Variants in NEK5 observed in about 807,000 individuals in gnomAD.
NEK5 encodes the protein NIMA related kinase 5, also known as serine/threonine-protein kinase Nek5.
In NEK5, 88 loss-of-function variants were observed where a neutral mutation model predicts 109.2. That is an observed-to-expected ratio of 0.81 (90% CI 0.68 to 0.96). The LOEUF is 0.96. Among genes scored for constraint, NEK5 ranks in the 40% least tolerant of loss-of-function variants. The pLI is 0.00. For missense variants in NEK5, 834 were observed against 920.7 expected, an observed-to-expected ratio of 0.91 and a Z score of 1.22; for synonymous variants, 283 against 299.9, an observed-to-expected ratio of 0.94 and a Z score of 0.58.
chr13:52,065,094 C>T lies in NEK5; in HGVS notation c.1975+390G>A, dbSNP rs185720150. ...TATGACCCTGCCAAATCCCCCTCTGCGAGAAACACCCAAGAATGATCAATA... is the reference window on the plus strand; with the variant it reads ...TATGACCCTGCCAAATCCCCCTCTGTGAGAAACACCCAAGAATGATCAATA... On this transcript the variant is annotated intron_variant, in intron 21 of 23. Coordinates refer to ENST00000684899, the MANE Select transcript of NEK5 (RefSeq NM_001365552.1). 1.4e-3 allele frequency: 342 copies of T among 244,324 alleles called. 2 individuals are homozygous for T. The highest frequency in any genetic ancestry group is 6.8e-3 in the African/African-American group (302 of 44,728). The allele number at this position is 244,324 out of a possible 1,614,324, so 15.1% of individuals were successfully genotyped here. A position where few individuals can be genotyped will look rare whatever the true frequency, so the allele number is the denominator to read the frequency against.
At chr13:52,050,720 CTT>C (rs772811272) in intron 22 of NEK5, among the ~76,000 whole-genome samples, 10 of 99,894 alleles carry the variant, frequency 1.0e-4, no homozygotes, top group Admixed American at 2.2e-4. Context: ...TTGTTTTTTT[CTT>C]TTTTTTTTTT....
intron 3 of NEK5, among the ~76,000 whole-genome samples, chr13:52,123,868 C>G (rs1956016578): frequency 6.8e-6 from 1 of 146,700 alleles, no homozygotes; most frequent in Non-Finnish European, 1.5e-5. Flanking sequence ...GCTGGGAGAT[C>G]AGCAGGCAAC....
intron 8 of NEK5, among the ~76,000 whole-genome samples, chr13:52,106,144 C>T (rs557898677): frequency 6.6e-6 from 1 of 151,596 alleles, no homozygotes; most frequent in African/African-American, 2.4e-5. Context: ...GCACAACTAA[C>T]TTGAGGCCAA....
chr13:52,102,096 G>C lies in NEK5; in HGVS notation c.806C>G (p.Pro269Arg), dbSNP rs1313392549. 1.2e-6 allele frequency: 2 copies of C among 1,613,538 alleles called. No homozygotes were observed. The highest frequency in any genetic ancestry group is 4.5e-5 in the East Asian group (2 of 44,852). Residue 269 changes from proline to arginine, a missense_variant, in exon 10 of 24, where the codon CCT becomes CGT. Pro to Arg is a moderately radical substitution (Grantham distance 103, BLOSUM62 -2). Coordinates refer to ENST00000684899, the MANE Select transcript of NEK5 (RefSeq NM_001365552.1). Reference protein sequence around the residue: ...LENLIPKYLTPEVIQEEFSHM... With the variant: ...LENLIPKYLTREVIQEEFSHM... Reference sequence around the variant, plus strand: ...AACAGTCACCTCAAAACTTACCTCAGGAGTCAAATATTTGGGAATAAGATT... The same window carrying C: ...AACAGTCACCTCAAAACTTACCTCACGAGTCAAATATTTGGGAATAAGATT...
At chr13:52,068,938 TC>T (rs5803592) in intron 20 of NEK5, among the ~76,000 whole-genome samples, 83,778 of 149,510 alleles carry the variant, frequency 0.56, 26,050 homozygotes, top group Non-Finnish European at 0.7. Flanking sequence ...GCCACTGCAC[TC>T]CAGCCTGGGC....
intron 12 of NEK5, among the ~76,000 whole-genome samples, chr13:52,098,969 C>T (rs1048806562): frequency 6.6e-5 from 10 of 151,968 alleles, no homozygotes; most frequent in African/African-American, 2.4e-4. Context: ...GTTAAAAAAA[C>T]AAAAGAATGA....
Position 52,099,756 on chromosome 13 carries a change from T to C in NEK5, c.1013A>G (p.Gln338Arg). Residue 338 changes from glutamine to arginine, a missense_variant, in exon 12 of 24, where the codon CAG (glutamine) becomes CGG (arginine). Gln to Arg is a conservative substitution (Grantham distance 43, BLOSUM62 1). Transcript: ENST00000684899. The stretch of plus-strand genomic sequence containing the variant: ...AGAATGACTTACAGATCTGGCCTTC[T>C]GGGCTCCAGCTGGTGGTCTCCATTC... ...RNEWRPPAGA[Q>R]KARSIKMIER... is the part of the protein sequence containing the mutation. The C allele has an allele frequency of 6.2e-7, 1 of 1,613,918 alleles. No individual in the cohort carries two copies. The highest frequency in any genetic ancestry group is 8.5e-7 in the Non-Finnish European group (1 of 1,179,904).
chr13:52,038,129 AGCCTG>A (rs1954380070), intron 23 of NEK5, among the ~76,000 whole-genome samples: 1 of 152,204 alleles, frequency 6.6e-6, no homozygotes, highest in Non-Finnish European at 1.5e-5. Flanking sequence ...GTTTGAGACC[AGCCTG>A]GCCAACATGG....
chr13:52,046,306 G>A (rs898974710), intron 23 of NEK5, among the ~76,000 whole-genome samples: 2 of 144,370 alleles, frequency 1.4e-5, no homozygotes, highest in African/African-American at 5.1e-5. Flanking sequence ...GCAAGACCCT[G>A]TCTCTACAAA....
chr13:52,096,513 G>A (rs1955420540), intron 12 of NEK5, among the ~76,000 whole-genome samples: 1 of 152,162 alleles, frequency 6.6e-6, no homozygotes, highest in South Asian at 2.1e-4. Context: ...AAAGAGGTTG[G>A]AGGCATTGTG....
At chr13:52,099,917 T>C in intron 11 of NEK5, 41 bp from the exon 12 acceptor site, 1 of 1,459,310 alleles carries the variant, frequency 6.9e-7, no homozygotes, top group Non-Finnish European at 9.6e-7. Context: ...TTTTTAAAAA[T>C]TGTACACCAT....
chr13:52,054,236 T>G (rs2137704456), intron 22 of NEK5, among the ~76,000 whole-genome samples: 1 of 152,332 alleles, frequency 6.6e-6, no homozygotes, highest in Admixed American at 6.5e-5. Flanking sequence ...AGAAATAAGA[T>G]GATGGCTAGA....
intron 23 of NEK5, among the ~76,000 whole-genome samples, chr13:52,045,935 G>T (rs1208125090): frequency 6.6e-6 from 1 of 151,240 alleles, no homozygotes; most frequent in Non-Finnish European, 1.5e-5. Context: ...GCCAGCCACG[G>T]TGGTGTGCGC....
At chr13:52,109,804 C>T (rs1335961396) in intron 7 of NEK5, among the ~76,000 whole-genome samples, 1 of 152,158 alleles carries the variant, frequency 6.6e-6, no homozygotes, top group Non-Finnish European at 1.5e-5. Flanking sequence ...GACCTGGAAG[C>T]TCCCTCCCAT....
intron 9 of NEK5, among the ~76,000 whole-genome samples, chr13:52,103,317 G>A (rs748894508): frequency 8.5e-5 from 13 of 152,200 alleles, no homozygotes; most frequent in Non-Finnish European, 1.2e-4. Context: ...TGTAATCCCA[G>A]CTCCTCGGGA....
chr13:52,093,883 CATTT>C (rs1434796169), intron 12 of NEK5, among the ~76,000 whole-genome samples: 6 of 152,158 alleles, frequency 3.9e-5, no homozygotes, highest in African/African-American at 1.4e-4. Flanking sequence ...TTCATAAACT[CATTT>C]ATACCTTACC....
intron 9 of NEK5, among the ~76,000 whole-genome samples, chr13:52,102,639 GCCGTGATTGCGT>G (rs1451942416): frequency 6.6e-6 from 1 of 152,198 alleles, no homozygotes; most frequent in Non-Finnish European, 1.5e-5. Flanking sequence ...GCTGCAGTAA[GCCGTGATTGCGT>G]CACTGCACTC....
At chr13:52,047,113 G>A (rs1246221958) in intron 23 of NEK5, among the ~76,000 whole-genome samples, 1 of 150,918 alleles carries the variant, frequency 6.6e-6, no homozygotes, top group East Asian at 1.9e-4. Flanking sequence ...GCAAGAGAAT[G>A]GGGAAATAGG....
At chr13:52,105,882 GT>G (rs944871715) in intron 8 of NEK5, among the ~76,000 whole-genome samples, 3 of 151,500 alleles carry the variant, frequency 2.0e-5, no homozygotes, top group African/African-American at 2.4e-5. Context: ...TTTTTTGGAT[GT>G]AGTGACAGGG....
Sources: gnomAD v4.1 joint callset for allele counts (sites outside exome capture counted in the v4.1 genomes callset) on GRCh38, gnomAD v4.1.1 for gene constraint, MANE v1.5 for transcripts, NCBI Gene and HGNC (gene_info 2026-07-23, HGNC 2026-07-21) for gene names.